The following MOBP variants were observed in gnomAD, a reference collection of about 807,000 sequenced individuals.
MOBP encodes the protein myelin associated oligodendrocyte basic protein, also known as myelin-associated oligodendrocyte basic protein.
In MOBP, 5 loss-of-function variants were observed where a neutral mutation model predicts 15.0. The observed-to-expected ratio is 0.33, with a 90% CI of 0.17 to 0.70. The LOEUF (loss-of-function observed/expected upper bound fraction) is 0.70. Ranked by LOEUF, MOBP falls within the 30% of genes least tolerant of loss-of-function variation. The pLI is 0.67. For missense variants in MOBP, 188 were observed against 257.8 expected (o/e 0.73, Z 1.85); for synonymous variants, 88 against 99.0 (o/e 0.89, Z 0.66).
intron 2 of MOBP, among the ~76,000 whole-genome samples, chr3:39,480,789 A>G (rs1475199398): frequency 6.6e-6 from 1 of 152,188 alleles, no homozygotes; most frequent in Non-Finnish European, 1.5e-5. Flanking sequence ...TGAAGTGTTC[A>G]CCACTCCAGT....
intron 2 of MOBP, among the ~76,000 whole-genome samples, chr3:39,482,671 A>G (rs1575291338): frequency 6.9e-6 from 1 of 144,898 alleles, no homozygotes; most frequent in Middle Eastern, 3.5e-3. Context: ...AAAAAAAAAA[A>G]GCACCTCTGA....
At chr3:39,492,485 G>T (rs565278417) in intron 2 of MOBP, among the ~76,000 whole-genome samples, 6 of 152,260 alleles carry the variant, frequency 3.9e-5, no homozygotes, top group African/African-American at 1.4e-4. Flanking sequence ...TAGAGTTTTG[G>T]TTGCTCTCTT....
At chr3:39,474,139 G>A (rs1165578755) in intron 1 of MOBP, among the ~76,000 whole-genome samples, 1 of 152,106 alleles carries the variant, frequency 6.6e-6, no homozygotes, top group Admixed American at 6.5e-5. Context: ...CTCCAAACAA[G>A]GGATTTGAGA....
chr3:39,496,418 C>G (rs2042883906), intron 2 of MOBP, among the ~76,000 whole-genome samples: 1 of 151,846 alleles, frequency 6.6e-6, no homozygotes, highest in Non-Finnish European at 1.5e-5. Context: ...CCAGGATGGT[C>G]TTGATCTCCT....
chr3:39,504,274 T>C (rs2043019797), downstream of MOBP, among the ~76,000 whole-genome samples: 1 of 152,228 alleles, frequency 6.6e-6, no homozygotes, highest in Non-Finnish European at 1.5e-5. Context: ...AGTATTGATA[T>C]ATGGAAGTAG....
chr3:39,512,832 A>G (rs1002361797), intron 4 of MOBP, among the ~76,000 whole-genome samples: 8 of 152,230 alleles, frequency 5.3e-5, no homozygotes, highest in African/African-American at 1.7e-4. Context: ...AGCTGATATC[A>G]CACAACATTT....
rs146377706 is a variant in MOBP, at chr3:39,498,785, G to A, written c.-4-3281G>A. ...ATGCTGCCCCCTGCCGGACATGGTC[G>A]GGGGAGACAGGGAGTGAGGGAAGTT... On this transcript the variant is annotated intron_variant, in intron 2 of 3. Coordinates refer to ENST00000684792, the MANE Select transcript of MOBP (RefSeq NM_001393704.1). 7.3e-3 allele frequency among the ~76,000 whole-genome samples: 1,116 copies of A among 152,200 alleles called. 9 individuals are homozygous for A. Among genetic ancestry groups the A allele is most frequent in the Non-Finnish European group, 0.012 (826 of 67,994 alleles).
downstream of MOBP, chr3:39,528,755 T>G (rs945153307): frequency 1.3e-5 from 2 of 152,222 alleles, no homozygotes; most frequent in Non-Finnish European, 2.9e-5. Flanking sequence ...TTGGAGAGAA[T>G]CAGGGCTTCT....
At chr3:39,495,241 A>T (rs1296430482) in intron 2 of MOBP, among the ~76,000 whole-genome samples, 6 of 152,266 alleles carry the variant, frequency 3.9e-5, no homozygotes, top group Non-Finnish European at 7.3e-5. Context: ...CTGCATTAAA[A>T]TGAGAAGCCA....
At chr3:39,528,175 A>G (rs2043353428), downstream of MOBP, 1 of 152,232 alleles carries the variant, frequency 6.6e-6, no homozygotes, top group Admixed American at 6.5e-5. Context: ...AGAAATGTCA[A>G]TAAGAACCCA....
intron 4 of MOBP, among the ~76,000 whole-genome samples, chr3:39,510,749 A>G (rs1451903868): frequency 2.0e-5 from 3 of 152,152 alleles, no homozygotes; most frequent in Non-Finnish European, 2.9e-5. Flanking sequence ...TTGAATAGAG[A>G]CGGTTTGATA....
intron 2 of MOBP, among the ~76,000 whole-genome samples, chr3:39,496,561 T>G (rs367954554): frequency 1.3e-5 from 2 of 151,720 alleles, no homozygotes; most frequent in East Asian, 3.9e-4. Flanking sequence ...TGCAGTGATG[T>G]TGGCTCACTG....
intron 2 of MOBP, among the ~76,000 whole-genome samples, chr3:39,484,199 G>T (rs1575292633): frequency 6.6e-6 from 1 of 152,176 alleles, no homozygotes; most frequent in Admixed American, 6.5e-5. Flanking sequence ...GGATGAATAG[G>T]TATTTACCAC....
chr3:39,514,969 TGTGTGTGTGTGTGTG>T (rs2043179572), exon 5 of MOBP: 3 of 448 alleles, frequency 6.7e-3, no homozygotes, highest in African/African-American at 0.028. Context: ...TGTGTGCGTG[TGTGTGTGTGTGTGTG>T]TGTGTGTGTG....
intron 2 of MOBP, among the ~76,000 whole-genome samples, chr3:39,491,944 T>C (rs1383018929): frequency 6.6e-6 from 1 of 152,110 alleles, no homozygotes; most frequent in East Asian, 1.9e-4. Flanking sequence ...GTGACACACT[T>C]CAACAGGAAT....
chr3:39,480,010 C>T (rs1050290974), intron 1 of MOBP, 30 bp from the exon 2 acceptor site: 1 of 147,730 alleles, frequency 6.8e-6, no homozygotes, highest in Admixed American at 6.7e-5. Flanking sequence ...ACTATATTAA[C>T]CAGAGCATAT....
At chr3:39,471,473 T>C (rs1238423299) in intron 1 of MOBP, among the ~76,000 whole-genome samples, 2 of 152,136 alleles carry the variant, frequency 1.3e-5, no homozygotes, top group Non-Finnish European at 2.9e-5. Flanking sequence ...CAGTGAAACA[T>C]CTTGGGAACT....
At chr3:39,486,461 C>T (rs1440303538) in intron 2 of MOBP, among the ~76,000 whole-genome samples, 1 of 151,964 alleles carries the variant, frequency 6.6e-6, no homozygotes, top group Admixed American at 6.6e-5. Flanking sequence ...AATAAAAATG[C>T]TCCCTGTGTT....
intron 1 of MOBP, among the ~76,000 whole-genome samples, chr3:39,470,134 C>T (rs968187017): frequency 3.9e-5 from 6 of 152,126 alleles, no homozygotes; most frequent in African/African-American, 7.2e-5. Flanking sequence ...CATCCTTTCG[C>T]GGGTTGACGG....
Sources: allele counts gnomAD v4.1 joint callset (sites outside exome capture counted in the v4.1 genomes callset), GRCh38; gene constraint gnomAD v4.1.1; transcripts MANE v1.5; gene names NCBI Gene and HGNC (gene_info 2026-07-23, HGNC 2026-07-21).